Variants in RASGEF1A observed in about 807,000 individuals in gnomAD.
The protein encoded by RASGEF1A is RasGEF domain family member 1A, also known as ras-GEF domain-containing family member 1A.
Under a neutral mutation model 56.4 loss-of-function variants are expected in RASGEF1A, and 18 were observed. That is an observed-to-expected ratio of 0.32 (90% CI 0.22 to 0.47). The LOEUF (loss-of-function observed/expected upper bound fraction) is 0.47, where lower values mean the gene tolerates loss of function less well. RASGEF1A is among the 20% of genes least tolerant of loss of function. The pLI is 1.00. For synonymous variants in RASGEF1A, 245 were observed against 242.6 expected (o/e 1.01, Z -0.09); for missense variants, 422 against 627.1 (o/e 0.67, Z 3.49).
chr10:43,199,525 G>A (rs775414906), intron 7 of RASGEF1A, 151 bp downstream of exon 7: 10 of 672,916 alleles, frequency 1.5e-5, no homozygotes, highest in African/African-American at 5.3e-5. Context: ...GCTGTATGTC[G>A]GGGTTGGGGG....
intron 2 of RASGEF1A, 172 bp from the exon 3 acceptor site, chr10:43,203,592 G>A: frequency 8.0e-7 from 1 of 1,253,554 alleles, no homozygotes; most frequent in Non-Finnish European, 1.1e-6. Context: ...TCCTCTTACT[G>A]CTACCCCGGC....
intron 1 of RASGEF1A, chr10:43,207,670 C>A: frequency 1.0e-6 from 1 of 985,512 alleles, no homozygotes; most frequent in Non-Finnish European, 1.2e-6. Flanking sequence ...CAGACTCATA[C>A]AATGCTCCCT....
At position 43,200,268 on chromosome 10, in the gene RASGEF1A, G is replaced by A. The variant is rs780921536; in HGVS notation, c.682-12C>T. On this transcript the variant is annotated splice_polypyrimidine_tract_variant and intron_variant, in intron 5 of 12. Coordinates refer to ENST00000395810, the MANE Select transcript of RASGEF1A (RefSeq NM_145313.4). ...CTGCTGACCCTGTCCTGGGGTGGAAGATAGCAAAGGGAAGGTGACAAGCTT... is the reference window on the plus strand; with the variant it reads ...CTGCTGACCCTGTCCTGGGGTGGAAAATAGCAAAGGGAAGGTGACAAGCTT... 3 of 1,597,040 alleles carry A rather than the reference G, an allele frequency of 1.9e-6. No individual in the cohort carries two copies. Among genetic ancestry groups the A allele is most frequent in the Admixed American group, 1.7e-5 (1 of 58,308 alleles).
intron 1 of RASGEF1A, among the ~76,000 whole-genome samples, chr10:43,254,559 C>G (rs1244842348): frequency 6.6e-6 from 1 of 152,200 alleles, no homozygotes; most frequent in Non-Finnish European, 1.5e-5. Flanking sequence ...TTGCAGGGCC[C>G]GGAACTGACA....
chr10:43,203,603 C>T (rs1156885436), intron 2 of RASGEF1A, 183 bp from the exon 3 acceptor site: 1 of 1,242,864 alleles, frequency 8.0e-7, no homozygotes, highest in Non-Finnish European at 1.1e-6. Context: ...CTACCCCGGC[C>T]CTGCCTACCT....
chr10:43,249,900 G>C (rs929535763), intron 1 of RASGEF1A, among the ~76,000 whole-genome samples: 22 of 152,358 alleles, frequency 1.4e-4, no homozygotes, highest in African/African-American at 5.1e-4. Flanking sequence ...AGGTGCTCCT[G>C]CAGGGACTTT....
At chr10:43,198,607 C>T (rs1019896506) in intron 9 of RASGEF1A, among the ~76,000 whole-genome samples, 1 of 152,236 alleles carries the variant, frequency 6.6e-6, no homozygotes, top group Non-Finnish European at 1.5e-5. Context: ...AGCCTCTGGG[C>T]CATCTAGACC....
At chr10:43,231,363 C>T (rs1039017245) in intron 1 of RASGEF1A, among the ~76,000 whole-genome samples, 6 of 152,230 alleles carry the variant, frequency 3.9e-5, no homozygotes, top group East Asian at 1.9e-4. Context: ...AGCCCTGTAC[C>T]GTAGCCCTGC....
At chr10:43,198,887 A>C in intron 9 of RASGEF1A, 46 bp downstream of exon 9, 2 of 1,557,028 alleles carry the variant, frequency 1.3e-6, no homozygotes, top group Non-Finnish European at 1.8e-6. Flanking sequence ...CCATTGCGGG[A>C]CGAAATGGGT....
At chr10:43,219,414 A>C (rs1215864376) in intron 1 of RASGEF1A, among the ~76,000 whole-genome samples, 1 of 152,136 alleles carries the variant, frequency 6.6e-6, no homozygotes, top group Non-Finnish European at 1.5e-5. Flanking sequence ...ATTCCACCCC[A>C]AGTGAAATCA....
At chr10:43,224,196 T>C (rs1425941477) in intron 1 of RASGEF1A, among the ~76,000 whole-genome samples, 1 of 152,222 alleles carries the variant, frequency 6.6e-6, no homozygotes, top group Non-Finnish European at 1.5e-5. Context: ...GATAATTTTA[T>C]ATGATATATA....
chr10:43,211,061 A>G (rs1416123771), intron 1 of RASGEF1A, among the ~76,000 whole-genome samples: 1 of 152,158 alleles, frequency 6.6e-6, no homozygotes, highest in East Asian at 1.9e-4. Context: ...TCAGGCAGGA[A>G]GGAAAGCACC....
intron 1 of RASGEF1A, chr10:43,206,779 G>A (rs1840002388): frequency 1.0e-6 from 1 of 986,106 alleles, no homozygotes; most frequent in African/African-American, 1.7e-5. Flanking sequence ...CACTCCACAT[G>A]GTGAAGGTCT....
chr10:43,243,027 G>A (rs1161272589), intron 1 of RASGEF1A, among the ~76,000 whole-genome samples: 24 of 149,770 alleles, frequency 1.6e-4, no homozygotes, highest in African/African-American at 4.9e-4. Flanking sequence ...CTGCCCGCCC[G>A]ACCCATCTGG....
chr10:43,266,266 T>C (rs1367171215), intron 1 of RASGEF1A, among the ~76,000 whole-genome samples: 1 of 152,088 alleles, frequency 6.6e-6, no homozygotes, highest in Non-Finnish European at 1.5e-5. Context: ...AAAGAGAGCG[T>C]GGTCCTTCAA....
chr10:43,200,643 G>A (rs1839879803), intron 5 of RASGEF1A, 24 bp downstream of exon 5: 4 of 1,595,966 alleles, frequency 2.5e-6, no homozygotes, highest in Non-Finnish European at 2.6e-6. Context: ...CCCACCCCCA[G>A]TCAGGGCATA....
chr10:43,217,178 C>G (rs1323025011), intron 1 of RASGEF1A, among the ~76,000 whole-genome samples: 2 of 152,210 alleles, frequency 1.3e-5, no homozygotes, highest in Non-Finnish European at 2.9e-5. Context: ...GCACCCTCAG[C>G]TGGTGGAGCG....
At chr10:43,262,514 C>T (rs976903493) in intron 1 of RASGEF1A, among the ~76,000 whole-genome samples, 1 of 152,236 alleles carries the variant, frequency 6.6e-6, no homozygotes, top group Non-Finnish European at 1.5e-5. Flanking sequence ...TGGCCCAGGC[C>T]AGGCACCTCT....
intron 1 of RASGEF1A, among the ~76,000 whole-genome samples, chr10:43,228,058 T>G (rs1436724791): frequency 1.3e-5 from 2 of 152,046 alleles, no homozygotes; most frequent in Non-Finnish European, 2.9e-5. Flanking sequence ...GAGCACATCC[T>G]GCTCCACCAC....
Sources: gnomAD v4.1 joint callset for allele counts (sites outside exome capture counted in the v4.1 genomes callset) on GRCh38, gnomAD v4.1.1 for gene constraint, MANE v1.5 for transcripts, NCBI Gene and HGNC (gene_info 2026-07-23, HGNC 2026-07-21) for gene names.